Variants in ZFAND3 observed in about 807,000 individuals in gnomAD.
ZFAND3 encodes zinc finger AN1-type containing 3.
In ZFAND3, 10 loss-of-function variants were observed where a neutral mutation model predicts 29.6. The ratio of observed to expected loss-of-function variants is 0.34; its 90% CI spans 0.21 to 0.57. The LOEUF (loss-of-function observed/expected upper bound fraction) is 0.57, where lower values mean the gene tolerates loss of function less well. ZFAND3 is among the 20% of genes least tolerant of loss of function. The probability of loss-of-function intolerance (pLI) is 0.86; values close to 1 mark genes in which losing one functional copy is unlikely to be tolerated. For synonymous variants in ZFAND3, 128 were observed against 112.6 expected (o/e 1.14, Z -0.87); for missense variants, 230 against 304.5 (o/e 0.76, Z 1.82).
intron 5 of ZFAND3, among the ~76,000 whole-genome samples, chr6:38,133,262 C>T (rs1246851965): frequency 6.6e-6 from 1 of 152,210 alleles, no homozygotes; most frequent in Non-Finnish European, 1.5e-5. Context: ...TAACGATATT[C>T]TTCTGCAGTT....
At chr6:38,090,464 G>A (rs1233414293) in intron 4 of ZFAND3, among the ~76,000 whole-genome samples, 1 of 152,178 alleles carries the variant, frequency 6.6e-6, no homozygotes, top group Non-Finnish European at 1.5e-5. Flanking sequence ...GGTCCTGAAG[G>A]AGTTCATTTG....
intron 1 of ZFAND3, 24 bp downstream of exon 1, chr6:37,820,040 CGGGG>C: frequency 4.4e-6 from 1 of 226,846 alleles, no homozygotes; most frequent in South Asian, 1.9e-4. Flanking sequence ...CGGGTGGGGG[CGGGG>C]GGCGGGGGCC....
intron 1 of ZFAND3, among the ~76,000 whole-genome samples, chr6:37,833,864 A>G (rs1763911609): frequency 6.6e-6 from 1 of 150,898 alleles, no homozygotes; most frequent in Admixed American, 6.6e-5. Context: ...TTTGAAAAGG[A>G]GTTTCAGGTT....
intron 2 of ZFAND3, among the ~76,000 whole-genome samples, chr6:37,995,191 T>G (rs1296856941): frequency 6.6e-6 from 1 of 152,246 alleles, no homozygotes; most frequent in African/African-American, 2.4e-5. Context: ...ATTAACCCCA[T>G]GTTTTTTTCT....
At chr6:37,888,126 C>T (rs973276324) in intron 1 of ZFAND3, among the ~76,000 whole-genome samples, 5 of 151,712 alleles carry the variant, frequency 3.3e-5, no homozygotes, top group Admixed American at 6.6e-5. Context: ...TAAGTACCTA[C>T]GTCTACAGCT....
intron 2 of ZFAND3, among the ~76,000 whole-genome samples, chr6:38,017,712 G>T (rs1763276200): frequency 6.6e-6 from 1 of 151,310 alleles, no homozygotes; most frequent in African/African-American, 2.4e-5. Context: ...AAAAAAAAAA[G>T]AATCATATAT....
At chr6:37,890,861 C>T (rs1322654478) in intron 1 of ZFAND3, among the ~76,000 whole-genome samples, 2 of 152,200 alleles carry the variant, frequency 1.3e-5, no homozygotes, top group African/African-American at 4.8e-5. Context: ...CTTGACAATT[C>T]ATCCTAGTTT....
At chr6:37,836,074 A>G (rs369073592) in intron 1 of ZFAND3, among the ~76,000 whole-genome samples, 178 of 152,298 alleles carry the variant, frequency 1.2e-3, no homozygotes, top group African/African-American at 3.9e-3. Flanking sequence ...GGGTGACATG[A>G]GTGTGTATTG....
chr6:38,084,541 CAGAA>C (rs1764722968), intron 4 of ZFAND3, among the ~76,000 whole-genome samples: 1 of 152,140 alleles, frequency 6.6e-6, no homozygotes, highest in African/African-American at 2.4e-5. Context: ...GTATTTTAGG[CAGAA>C]AGAAGAGTAA....
chr6:38,094,470 T>C (rs542780391), intron 4 of ZFAND3, among the ~76,000 whole-genome samples: 8 of 152,338 alleles, frequency 5.3e-5, no homozygotes, highest in East Asian at 1.9e-4. Context: ...ATGATCCTAC[T>C]CCACAAAGCT....
intron 3 of ZFAND3, among the ~76,000 whole-genome samples, chr6:38,064,417 A>G (rs1764302404): frequency 6.6e-6 from 1 of 152,258 alleles, no homozygotes; most frequent in Non-Finnish European, 1.5e-5. Flanking sequence ...AATTAGACAC[A>G]AAAAGATTAA....
chr6:38,081,261 T>A (rs1426659213), intron 3 of ZFAND3, among the ~76,000 whole-genome samples: 3 of 152,042 alleles, frequency 2.0e-5, no homozygotes, highest in African/African-American at 7.2e-5. Flanking sequence ...ACTTACTTGG[T>A]TTTTTCCTCT....
chr6:37,906,118 G>A (rs557298433), intron 1 of ZFAND3, among the ~76,000 whole-genome samples: 196 of 152,120 alleles, frequency 1.3e-3, no homozygotes, highest in African/African-American at 4.4e-3. Context: ...AGTACAGTCA[G>A]TGTTATGCAG....
chr6:38,146,473 CTCTT>C (rs1472553391), intron 5 of ZFAND3, among the ~76,000 whole-genome samples: 1 of 152,162 alleles, frequency 6.6e-6, no homozygotes, highest in Non-Finnish European at 1.5e-5. Context: ...TCCTAAATTG[CTCTT>C]CAGTGCCAAC....
intron 1 of ZFAND3, among the ~76,000 whole-genome samples, chr6:37,843,418 C>T (rs550858806): frequency 7.3e-5 from 11 of 151,098 alleles, no homozygotes; most frequent in East Asian, 1.9e-4. Context: ...ACCCGGGAGG[C>T]GGAGCTTGCA....
intron 5 of ZFAND3, among the ~76,000 whole-genome samples, chr6:38,121,998 A>T (rs1383912434): frequency 1.3e-5 from 2 of 151,936 alleles, no homozygotes; most frequent in African/African-American, 2.4e-5. Flanking sequence ...TAACTCTAGC[A>T]CTCCCTCAGC....
At chr6:38,045,643 C>T (rs1763888734) in intron 2 of ZFAND3, among the ~76,000 whole-genome samples, 2 of 152,090 alleles carry the variant, frequency 1.3e-5, no homozygotes, top group Admixed American at 1.3e-4. Flanking sequence ...AAATCTCCCA[C>T]ATAAAATAAG....
intron 1 of ZFAND3, among the ~76,000 whole-genome samples, chr6:37,863,367 C>T (rs1178497509): frequency 1.3e-5 from 2 of 152,168 alleles, no homozygotes; most frequent in Non-Finnish European, 2.9e-5. Flanking sequence ...CTTCTGTAAT[C>T]CTGGGTAGGT....
intron 5 of ZFAND3, among the ~76,000 whole-genome samples, chr6:38,146,942 A>G (rs188952428): frequency 1.3e-5 from 2 of 152,186 alleles, no homozygotes; most frequent in African/African-American, 4.8e-5. Flanking sequence ...GATTTTTTTT[A>G]TTTGTACAAA....
Sources: gnomAD v4.1 joint callset for allele counts (sites outside exome capture counted in the v4.1 genomes callset) on GRCh38, gnomAD v4.1.1 for gene constraint, MANE v1.5 for transcripts, NCBI Gene and HGNC (gene_info 2026-07-23, HGNC 2026-07-21) for gene names.